Variants in KLHL24 observed in about 807,000 individuals in gnomAD.
The protein encoded by KLHL24 is kelch-like protein 24.
Under a neutral mutation model 53.4 loss-of-function variants are expected in KLHL24, and 29 were observed. That is an observed-to-expected ratio of 0.54 (90% CI 0.40 to 0.74). The LOEUF is 0.74. Among genes scored for constraint, KLHL24 ranks in the 30% least tolerant of loss-of-function variants. The probability of loss-of-function intolerance (pLI) is 0.00; values close to 1 mark genes in which losing one functional copy is unlikely to be tolerated. For missense variants in KLHL24, 504 were observed against 744.0 expected (o/e 0.68, Z 3.75); for synonymous variants, 222 against 253.7 (o/e 0.88, Z 1.19).
intron 5 of KLHL24, among the ~76,000 whole-genome samples, chr3:183,669,314 T>G (rs113721795): frequency 6.6e-6 from 1 of 152,060 alleles, no homozygotes; most frequent in Non-Finnish European, 1.5e-5. Context: ...ATCACGCCAT[T>G]GCACTCCAGC....
At chr3:183,636,987 G>A (rs552055557) in intron 1 of KLHL24, among the ~76,000 whole-genome samples, 1 of 152,270 alleles carries the variant, frequency 6.6e-6, no homozygotes, top group East Asian at 1.9e-4. Flanking sequence ...AACTAGTGTC[G>A]CGTTATCTGC....
chr3:183,653,184 A>C (rs1718369775), intron 3 of KLHL24, among the ~76,000 whole-genome samples: 2 of 152,200 alleles, frequency 1.3e-5, no homozygotes, highest in South Asian at 4.1e-4. Context: ...TAAAAACCAA[A>C]CTATAGTTCT....
chr3:183,635,986 C>T (rs1017749762), intron 1 of KLHL24, among the ~76,000 whole-genome samples, 193 bp downstream of exon 1: 4 of 152,142 alleles, frequency 2.6e-5, no homozygotes, highest in African/African-American at 7.2e-5. Context: ...CTTCCTCCCC[C>T]GCTTGGTAGC....
Position 183,671,253 on chromosome 3 carries a change from A to G in KLHL24, c.1413+31A>G, listed in dbSNP as rs765008497. On this transcript the variant is annotated intron_variant, in intron 6 of 7. Coordinates refer to ENST00000242810, the MANE Select transcript of KLHL24 (RefSeq NM_017644.3). ...CCATGCACTTTTAAAGAAATTACCA[A>G]TATTAAGTACAAGAAGGGAAATACA... The G allele has an allele frequency of 6.3e-6, 10 of 1,579,138 alleles. No individual in the cohort carries two copies. The Admixed American group carries it at 1.6e-4, about 25-fold the overall frequency.
At chr3:183,678,949 G>T in intron 7 of KLHL24, 137 bp from the exon 8 acceptor site, 1 of 664,442 alleles carries the variant, frequency 1.5e-6, no homozygotes, top group Non-Finnish European at 2.6e-6. Flanking sequence ...AGAGAGCAGA[G>T]TTGGGCCAAA....
At chr3:183,661,884 TAATA>T (rs1217294857) in intron 3 of KLHL24, among the ~76,000 whole-genome samples, 5 of 152,302 alleles carry the variant, frequency 3.3e-5, no homozygotes, top group African/African-American at 1.2e-4. Flanking sequence ...TTTGATTGAT[TAATA>T]AATAAGACTT....
At chr3:183,674,081 C>T (rs1264048599) in intron 7 of KLHL24, among the ~76,000 whole-genome samples, 1 of 152,166 alleles carries the variant, frequency 6.6e-6, no homozygotes, top group East Asian at 1.9e-4. Context: ...TTTTTCTTCT[C>T]TTAAATTGAA....
At chr3:183,674,593 C>A (rs952670692) in intron 7 of KLHL24, among the ~76,000 whole-genome samples, 1 of 152,136 alleles carries the variant, frequency 6.6e-6, no homozygotes, top group Non-Finnish European at 1.5e-5. Context: ...AACTCCTGAC[C>A]TTGTGATCCA....
chr3:183,660,661 G>A (rs945960706), intron 3 of KLHL24, among the ~76,000 whole-genome samples: 7 of 152,068 alleles, frequency 4.6e-5, no homozygotes, highest in African/African-American at 1.4e-4. Context: ...GGCATTTTGC[G>A]TCTTTTGATC....
At chr3:183,671,852 A>T (rs1721375647) in intron 6 of KLHL24, among the ~76,000 whole-genome samples, 1 of 152,206 alleles carries the variant, frequency 6.6e-6, no homozygotes, top group Non-Finnish European at 1.5e-5. Context: ...ATGTGATCAA[A>T]TGTTACTTAT....
Position 183,650,244 on chromosome 3 carries a change from T to A in KLHL24, c.-61-52T>A. 1 of 732,132 alleles carries A rather than the reference T, an allele frequency of 1.4e-6. No homozygotes were observed. Among genetic ancestry groups the A allele is most frequent in the Non-Finnish European group, 2.2e-6 (1 of 450,198 alleles). The allele number at this position is 732,132 out of a possible 1,614,324, so 45.4% of individuals were successfully genotyped here. ...TTATATTAAAATGAAATTATGTGAT[T>A]TGAATACTGAATTTTTTGCATATTG... is the stretch of plus-strand genomic sequence containing the variant. On this transcript the variant is annotated intron_variant, in intron 2 of 7. Coordinates refer to ENST00000242810, the MANE Select transcript of KLHL24 (RefSeq NM_017644.3). This position sits in a 1 kb window ranked among gnomAD's most constrained non-coding sequence, Gnocchi z 4.5.
chr3:183,672,199 A>G (rs748424040), intron 6 of KLHL24, 97 bp from the exon 7 acceptor site: 19 of 573,124 alleles, frequency 3.3e-5, no homozygotes, highest in Non-Finnish European at 4.5e-5. Context: ...ATAGGATTTT[A>G]TTTTAAATAA....
At chr3:183,641,651 G>T (rs1264274009) in intron 1 of KLHL24, among the ~76,000 whole-genome samples, 4 of 152,082 alleles carry the variant, frequency 2.6e-5, no homozygotes, top group Non-Finnish European at 5.9e-5. Context: ...ATAGTATGCA[G>T]CAGTTCTCTA....
chr3:183,653,248 C>T (rs989794572), intron 3 of KLHL24, among the ~76,000 whole-genome samples: 1 of 151,950 alleles, frequency 6.6e-6, no homozygotes, highest in African/African-American at 2.4e-5. Context: ...TTTATGTGGG[C>T]ATTACATGAG....
intron 2 of KLHL24, among the ~76,000 whole-genome samples, chr3:183,646,452 G>A (rs1329129348): frequency 1.3e-5 from 2 of 150,534 alleles, no homozygotes; most frequent in Admixed American, 1.3e-4. Context: ...TTTCACTTTA[G>A]TCTTTATTCC....
chr3:183,645,160 G>T (rs1042727204), intron 2 of KLHL24, among the ~76,000 whole-genome samples: 2 of 152,150 alleles, frequency 1.3e-5, no homozygotes, highest in African/African-American at 4.8e-5. Context: ...TAAAATATGA[G>T]TTATATTCCA....
Position 183,660,434 on chromosome 3 carries a change from A to G in KLHL24, c.921-3024A>G, listed in dbSNP as rs1479604679. On this transcript the variant is annotated intron_variant, in intron 3 of 7. Transcript: ENST00000242810. Reference sequence around the variant, plus strand: ...TTTTTCTGTATGAATTTATTATTTCATTTACAGGGTTGTAATCTATTTCAT... The same window carrying G: ...TTTTTCTGTATGAATTTATTATTTCGTTTACAGGGTTGTAATCTATTTCAT... Among the ~76,000 whole-genome samples the G allele has an allele frequency of 2.0e-5, 3 of 152,138 alleles. 1 individual carries two copies. The highest frequency in any genetic ancestry group is 4.2e-4 in the South Asian group (2 of 4,808).
rs1054814295 is a variant in KLHL24, at chr3:183,663,421, T to G, written c.921-37T>G. The G allele has an allele frequency of 1.7e-5, 18 of 1,073,116 alleles. No homozygotes were observed. In the African/African-American group the frequency reaches 2.8e-4, roughly 17 times the overall value. 66.5% of individuals were successfully genotyped at this position (1,073,116 alleles called of 1,614,324 possible). On this transcript the variant is annotated intron_variant, in intron 3 of 7. Transcript: ENST00000242810. This position sits in a 1 kb window ranked among gnomAD's most constrained non-coding sequence, Gnocchi z 4.9. ...TGGAGTATATTTTAATGTAATATTA[T>G]TATATTATTTATGTACGCTAATAAT...
At chr3:183,668,926 A>C (rs1177308490) in intron 5 of KLHL24, among the ~76,000 whole-genome samples, 1 of 152,024 alleles carries the variant, frequency 6.6e-6, no homozygotes, top group Non-Finnish European at 1.5e-5. Context: ...ATCTTAGAGT[A>C]GGAAGGGATG....
Sources: allele counts gnomAD v4.1 joint callset (sites outside exome capture counted in the v4.1 genomes callset), GRCh38; gene constraint gnomAD v4.1.1; non-coding constraint Gnocchi (gnomAD v3.1); transcripts MANE v1.5; gene names NCBI Gene and HGNC (gene_info 2026-07-23, HGNC 2026-07-21).